The following PDE10A variants were observed in gnomAD, a reference collection of about 807,000 sequenced individuals.
PDE10A encodes phosphodiesterase 10A.
In PDE10A, 39 loss-of-function variants were observed where a neutral mutation model predicts 97.7. The observed-to-expected ratio is 0.40, with a 90% CI of 0.31 to 0.52. The LOEUF is 0.52. Ranked by LOEUF, PDE10A falls within the 20% of genes least tolerant of loss-of-function variation. The probability of loss-of-function intolerance (pLI) is 0.56; values close to 1 mark genes in which losing one functional copy is unlikely to be tolerated. For missense variants in PDE10A, 731 were observed against 1,047.8 expected, an observed-to-expected ratio of 0.70 and a Z score of 4.17; for synonymous variants, 371 against 376.8, an observed-to-expected ratio of 0.98 and a Z score of 0.18.
At chr6:165,419,666 C>T (rs1788559162) in intron 10 of PDE10A, among the ~76,000 whole-genome samples, 1 of 152,170 alleles carries the variant, frequency 6.6e-6, no homozygotes, top group African/African-American at 2.4e-5. Context: ...ACATATCCTA[C>T]TGTCCTGAGT....
chr6:165,602,304 C>T (rs1408110242), intron 1 of PDE10A, among the ~76,000 whole-genome samples: 3 of 152,204 alleles, frequency 2.0e-5, no homozygotes, highest in Non-Finnish European at 2.9e-5. Context: ...TCTCATGCCT[C>T]TTTCTCAACC....
intron 1 of PDE10A, among the ~76,000 whole-genome samples, chr6:165,962,092 T>C (rs697465): frequency 0.69 from 105,108 of 152,202 alleles, 36,588 homozygotes; most frequent in East Asian, 0.9. Flanking sequence ...TTGCCCAAGG[T>C]TGCCTGGCTC....
chr6:165,621,919 G>T (rs1194881587), intron 1 of PDE10A, among the ~76,000 whole-genome samples: 1 of 152,178 alleles, frequency 6.6e-6, no homozygotes, highest in Non-Finnish European at 1.5e-5. Context: ...AGGCCCAGTT[G>T]TTTGGCCGAA....
intron 1 of PDE10A, among the ~76,000 whole-genome samples, chr6:165,640,550 AC>A (rs796921083): frequency 8.1e-4 from 123 of 152,330 alleles, no homozygotes; most frequent in African/African-American, 2.8e-3. Flanking sequence ...TTATGTAATA[AC>A]CTGTTATTCA....
rs116427092 is a variant in PDE10A at position 165,487,900 on chromosome 6, A to G, written c.995-5557T>C. ...ACTTGCAGCACACACTCAGCGGTGA[A>G]GTACCAGAACAGCATTTCACTCAGA... On this transcript the variant is annotated intron_variant, in intron 2 of 21. Coordinates refer to ENST00000539869, the MANE Select transcript of PDE10A (RefSeq NM_001385079.1). Among the ~76,000 whole-genome samples the G allele has an allele frequency of 5.6e-3, 847 of 152,242 alleles. 10 individuals carry two copies. The highest frequency in any genetic ancestry group is 0.02 in the African/African-American group (813 of 41,530).
At chr6:165,791,269 CTG>C (rs1182085901) in intron 1 of PDE10A, among the ~76,000 whole-genome samples, 3 of 151,976 alleles carry the variant, frequency 2.0e-5, no homozygotes, top group African/African-American at 4.8e-5. Flanking sequence ...ATGAATCTGA[CTG>C]TTTTAGATTT....
chr6:165,462,895 G>A (rs767772682), intron 3 of PDE10A, among the ~76,000 whole-genome samples: 9 of 152,154 alleles, frequency 5.9e-5, no homozygotes, highest in Admixed American at 6.5e-5. Context: ...AGTTACACAT[G>A]CTTTCTGATC....
chr6:165,893,750 T>C (rs1781864441), intron 1 of PDE10A, among the ~76,000 whole-genome samples: 1 of 152,102 alleles, frequency 6.6e-6, no homozygotes, highest in African/African-American at 2.4e-5. Flanking sequence ...TCAATAAAGG[T>C]TTTGAGTGGG....
chr6:165,489,353 T>C (rs532221753), intron 2 of PDE10A, among the ~76,000 whole-genome samples: 2 of 152,140 alleles, frequency 1.3e-5, no homozygotes, highest in Admixed American at 1.3e-4. Flanking sequence ...AAATAATAAT[T>C]GTTGCAGTTC....
intron 1 of PDE10A, among the ~76,000 whole-genome samples, chr6:165,981,140 T>C (rs933731667): frequency 6.6e-6 from 1 of 152,082 alleles, no homozygotes; most frequent in African/African-American, 2.4e-5. Context: ...TATAGGCCAT[T>C]TACAACATAA....
chr6:165,836,465 C>T (rs894856679), intron 1 of PDE10A, among the ~76,000 whole-genome samples: 3 of 152,230 alleles, frequency 2.0e-5, no homozygotes, highest in Non-Finnish European at 2.9e-5. Flanking sequence ...CTCCAGCGGT[C>T]AGGCAGCTCT....
intron 2 of PDE10A, among the ~76,000 whole-genome samples, chr6:165,482,758 C>T (rs543408948): frequency 1.3e-5 from 2 of 152,278 alleles, no homozygotes; most frequent in South Asian, 2.1e-4. Flanking sequence ...AGACCTGGAG[C>T]TGGTGTGAGC....
At chr6:165,699,481 C>T (rs377107774) in intron 1 of PDE10A, among the ~76,000 whole-genome samples, 152 of 152,090 alleles carry the variant, frequency 1.0e-3, no homozygotes, top group African/African-American at 3.6e-3. Context: ...TGGATAACAC[C>T]GTAAACAAAC....
intron 2 of PDE10A, among the ~76,000 whole-genome samples, chr6:165,536,417 T>TA (rs1162385958): frequency 6.6e-6 from 1 of 151,834 alleles, no homozygotes; most frequent in Non-Finnish European, 1.5e-5. Flanking sequence ...TTTTTTTGAG[T>TA]AAGACCTCAA....
chr6:165,793,389 A>C (rs1173922323), intron 1 of PDE10A, among the ~76,000 whole-genome samples: 1 of 152,122 alleles, frequency 6.6e-6, no homozygotes, highest in African/African-American at 2.4e-5. Flanking sequence ...ACATAATGCA[A>C]GCTCTTATTA....
chr6:165,345,342 C>G (rs1782236389), intron 18 of PDE10A, among the ~76,000 whole-genome samples: 1 of 152,110 alleles, frequency 6.6e-6, no homozygotes. Context: ...ATTTCACTGT[C>G]AAAATTACTT....
At position 165,971,914 on chromosome 6, in the gene PDE10A, G is replaced by A. The variant is rs1382084081; in HGVS notation, c.-615+15615C>T. 2.0e-5 allele frequency among the ~76,000 whole-genome samples: 3 copies of A among 152,144 alleles called. No homozygotes were observed. The East Asian group carries it at 5.8e-4, about 29-fold the overall frequency. On this transcript the variant is annotated intron_variant, in intron 1 of 19. Coordinates refer to the PDE10A transcript ENST00000366882. ...CTCTTGAAGGGGAAAATAAAGAACT[G>A]TATGTACCCATGGCGTTGACTTGGG...
At chr6:165,507,530 A>G (rs1562530862) in intron 2 of PDE10A, among the ~76,000 whole-genome samples, 1 of 152,086 alleles carries the variant, frequency 6.6e-6, no homozygotes, top group Admixed American at 6.6e-5. Flanking sequence ...GCCCAAGTCC[A>G]GTAAGTTTCT....
intron 1 of PDE10A, among the ~76,000 whole-genome samples, chr6:165,752,144 A>C (rs1033234055): frequency 6.6e-6 from 1 of 151,732 alleles, no homozygotes; most frequent in Admixed American, 6.6e-5. Context: ...AAAAAAAAAA[A>C]AAAAAAAAAA....
Sources: gnomAD v4.1 joint callset for allele counts (sites outside exome capture counted in the v4.1 genomes callset) on GRCh38, gnomAD v4.1.1 for gene constraint, MANE v1.5 for transcripts, NCBI Gene and HGNC (gene_info 2026-07-23, HGNC 2026-07-21) for gene names.